Variants in SLC12A7 observed in about 807,000 individuals in gnomAD.
SLC12A7 encodes the protein solute carrier family 12 member 7.
A neutral mutation model predicts 120.6 loss-of-function variants in SLC12A7; 100 were observed. That is an observed-to-expected ratio of 0.83 (90% CI 0.71 to 0.98). The LOEUF is 0.98. SLC12A7 is among the 50% of genes least tolerant of loss of function. The pLI, the probability that SLC12A7 is intolerant of heterozygous loss-of-function variation, is 0.00. For synonymous variants in SLC12A7, 760 were observed against 678.0 expected (o/e 1.12, Z -1.88); for missense variants, 1,373 against 1,548.1 (o/e 0.89, Z 1.90).
At chr5:1,136,172 C>G in the SLC12A7 span, among the ~76,000 whole-genome samples, 1 of 152,170 alleles carries the variant, frequency 6.6e-6, no homozygotes. Flanking sequence ...CTCCTGCAGG[C>G]ACTGCTGTGC....
Position 1,061,033 on chromosome 5 carries a change from C to A in SLC12A7, c.2740-582G>T, listed in dbSNP as rs1372895611. ...CCTGAGTCTCACCCGCCGCACCCGC[C>A]GTGCGGGATCCCTGAGTCTCACCCG... On this transcript the variant is annotated intron_variant, in intron 20 of 23. Transcript: ENST00000264930. Among the ~76,000 whole-genome samples the A allele has an allele frequency of 2.3e-4, 34 of 145,016 alleles. 1 individual carries two copies. Among genetic ancestry groups the A allele is most frequent in the African/African-American group, 8.8e-4 (33 of 37,590 alleles).
intron 1 of SLC12A7, among the ~76,000 whole-genome samples, chr5:1,098,384 TC>T (rs1741579823): frequency 1.4e-4 from 1 of 7,022 alleles, no homozygotes; most frequent in East Asian, 3.5e-3. Context: ...CCAGCCCCCT[TC>T]TAACCCTCTG....
the SLC12A7 span, among the ~76,000 whole-genome samples, chr5:1,129,149 AG>A: frequency 2.5e-3 from 387 of 152,226 alleles, 2 homozygotes; most frequent in African/African-American, 8.9e-3. Context: ...CTGCCAGGCC[AG>A]GGGGACAGCC....
intron 21 of SLC12A7, 57 bp from the exon 22 acceptor site, chr5:1,057,706 G>A: frequency 4.0e-6 from 6 of 1,511,224 alleles, no homozygotes; most frequent in Non-Finnish European, 5.3e-6. Flanking sequence ...CTGGGCGAGA[G>A]CGACCCGGGA....
intron 11 of SLC12A7, chr5:1,078,480 A>G: frequency 1.6e-6 from 1 of 607,090 alleles, no homozygotes; most frequent in Non-Finnish European, 3.0e-6. Flanking sequence ...CCCCAGCCGC[A>G]TCAGGGCTTG....
chr5:1,081,631 C>A lies in SLC12A7; in HGVS notation c.1243G>T (p.Asp415Tyr). 1 of 1,611,956 alleles carries A rather than the reference C, an allele frequency of 6.2e-7. No homozygotes were observed. Among genetic ancestry groups the A allele is most frequent in the Non-Finnish European group, 8.5e-7 (1 of 1,178,922 alleles). Residue 415 changes from aspartate (D) to tyrosine (Y), a missense_variant, in exon 9 of 24, where the codon GAC becomes TAC. Coordinates refer to ENST00000264930, the MANE Select transcript of SLC12A7 (RefSeq NM_006598.3). ...AGCAGGGTGAAGGAGGCCGCGATGT[C>A]GGTGAGCACGTAGGGCAGTGCGCTG... ...RASALPYVLTDIAASFTLLVG... is the reference protein window; with the variant it reads ...RASALPYVLTYIAASFTLLVG...
chr5:1,125,983 T>A, the SLC12A7 span, among the ~76,000 whole-genome samples: 7 of 152,058 alleles, frequency 4.6e-5, no homozygotes, highest in African/African-American at 1.4e-4. Context: ...TTAATTTAAT[T>A]GTTAATGTTT....
the SLC12A7 span, among the ~76,000 whole-genome samples, chr5:1,117,747 A>C: frequency 1.3e-5 from 2 of 152,202 alleles, no homozygotes; most frequent in Non-Finnish European, 2.9e-5. This position sits in a 1 kb window ranked among gnomAD's most constrained non-coding sequence, Gnocchi z 4.5. Flanking sequence ...CTCCTGGCTC[A>C]CTGGCTTCCT....
intron 1 of SLC12A7, among the ~76,000 whole-genome samples, chr5:1,099,377 C>T (rs567987297): frequency 6.6e-6 from 1 of 151,900 alleles, no homozygotes; most frequent in African/African-American, 2.4e-5. Context: ...AGTCCACCTC[C>T]TCCGGGGGAC....
chr5:1,141,727 C>T, the SLC12A7 span, among the ~76,000 whole-genome samples: 38 of 152,304 alleles, frequency 2.5e-4, no homozygotes, highest in East Asian at 7.7e-4. Flanking sequence ...CACATGTGGC[C>T]GGTGGCTGCT....
Position 1,088,207 on chromosome 5 carries a change from C to T in SLC12A7, c.544+99G>A, listed in dbSNP as rs535205851. 2.6e-5 allele frequency: 33 copies of T among 1,260,242 alleles called. No homozygotes were observed. The African/African-American group carries it at 3.6e-4, about 14-fold the overall frequency. The allele number at this position is 1,260,242 out of a possible 1,614,324, so 78.1% of individuals were successfully genotyped here. On this transcript the variant is annotated intron_variant, in intron 5 of 23. Transcript: ENST00000264930. ...CCGGCTGAGACCCCCAGGCAGCCCC[C>T]GGCCCGGCCTCGCCAAGCGGCCTCC... is the stretch of plus-strand genomic sequence containing the variant.
At position 1,078,703 on chromosome 5, in the gene SLC12A7, A is replaced by G; in HGVS notation, c.1452T>C (p.Asp484=). The change falls in exon 11 of 24, where the codon GAT becomes GAC. Residue 484 remains aspartate, a splice_region_variant and synonymous_variant. Transcript: ENST00000264930. ...GAAAACTGCAGGTGGAAACGTACTT[A>G]TCTCGTAAGACCACGCCTTCAATGC... The part of the protein sequence containing the change: ...GACIEGVVLR[D]KFGEALQGNL... 1 of 1,611,906 alleles carries G rather than the reference A, an allele frequency of 6.2e-7. No individual in the cohort carries two copies. Among genetic ancestry groups the G allele is most frequent in the Non-Finnish European group, 8.5e-7 (1 of 1,179,352 alleles).
the SLC12A7 span, among the ~76,000 whole-genome samples, chr5:1,146,033 C>T: frequency 2.6e-3 from 397 of 152,308 alleles, 1 homozygote; most frequent in African/African-American, 9.3e-3. This position sits in a 1 kb window ranked among gnomAD's most constrained non-coding sequence, Gnocchi z 6.5. Flanking sequence ...TCCCCCAGCC[C>T]CTGGCAGTCC....
chr5:1,073,868 G>C (rs950022273), intron 16 of SLC12A7, 67 bp from the exon 17 acceptor site: 27 of 1,317,858 alleles, frequency 2.0e-5, no homozygotes, highest in South Asian at 2.6e-5. Context: ...TCAACAGGCA[G>C]GGCAGATGGG....
At chr5:1,090,328 C>A (rs565845646) in intron 3 of SLC12A7, among the ~76,000 whole-genome samples, 43 of 152,152 alleles carry the variant, frequency 2.8e-4, no homozygotes, top group Non-Finnish European at 3.7e-4. Flanking sequence ...CAGCTCGGAG[C>A]GTGGGAAGCC....
the SLC12A7 span, among the ~76,000 whole-genome samples, chr5:1,119,428 C>T: frequency 7.9e-4 from 120 of 152,338 alleles, no homozygotes; most frequent in African/African-American, 2.7e-3. Context: ...CAGGGGACGC[C>T]GCAGGCACGC....
chr5:1,116,395 G>C (rs946052279), upstream of SLC12A7, among the ~76,000 whole-genome samples: 1 of 152,204 alleles, frequency 6.6e-6, no homozygotes, highest in African/African-American at 2.4e-5. Context: ...AGCCTCCCCC[G>C]GGTCCTGTGC....
upstream of SLC12A7, among the ~76,000 whole-genome samples, chr5:1,113,061 G>C (rs932293557): frequency 2.0e-5 from 3 of 152,090 alleles, no homozygotes; most frequent in Non-Finnish European, 4.4e-5. Context: ...GGATACCACC[G>C]GCCAGCACCT....
intron 15 of SLC12A7, 121 bp downstream of exon 15, chr5:1,075,250 T>A: frequency 1.4e-6 from 2 of 1,381,636 alleles, no homozygotes. Context: ...CAGCTGCCCC[T>A]GTGAGGGCAC....
Sources: gnomAD v4.1 joint callset for allele counts (sites outside exome capture counted in the v4.1 genomes callset) on GRCh38, gnomAD v4.1.1 for gene constraint, Gnocchi (gnomAD v3.1) non-coding constraint, MANE v1.5 for transcripts, NCBI Gene and HGNC (gene_info 2026-07-23, HGNC 2026-07-21) for gene names.